Variants in WWOX observed in about 807,000 individuals in gnomAD.
WWOX encodes the protein WW domain containing oxidoreductase.
WWOX carries 69 observed loss-of-function variants against 46.2 expected under a neutral mutation model. The ratio of observed to expected loss-of-function variants is 1.49; its 90% CI spans 1.23 to 1.82. WWOX has a LOEUF of 1.82. WWOX is among the 40% of genes most tolerant of loss of function. WWOX has a pLI of 0.00. For missense variants in WWOX, 919 were observed against 542.6 expected (o/e 1.69, Z -6.89); for synonymous variants, 359 against 202.6 (o/e 1.77, Z -6.56).
intron 8 of WWOX, among the ~76,000 whole-genome samples, chr16:78,447,610 A>G (rs1452374118): frequency 1.3e-5 from 2 of 152,222 alleles, no homozygotes; most frequent in Admixed American, 6.5e-5. Context: ...GGTAATGACA[A>G]CAAAAATTAG....
chr16:78,939,662 C>G (rs887844940), intron 8 of WWOX, among the ~76,000 whole-genome samples: 1 of 152,170 alleles, frequency 6.6e-6, no homozygotes, highest in Non-Finnish European at 1.5e-5. Context: ...TAAAAATTAT[C>G]AAAAGGAAGT....
chr16:79,174,121 G>A (rs373058986), intron 8 of WWOX, among the ~76,000 whole-genome samples: 56 of 152,288 alleles, frequency 3.7e-4, no homozygotes, highest in African/African-American at 1.3e-3. Flanking sequence ...GCTTTGTAGA[G>A]TGAAAGGTCC....
chr16:78,747,859 C>G (rs1278501516), intron 8 of WWOX, among the ~76,000 whole-genome samples: 4 of 152,136 alleles, frequency 2.6e-5, no homozygotes, highest in Admixed American at 2.6e-4. Context: ...AAACTATAAT[C>G]TTTCTCTCTG....
chr16:78,301,448 C>G (rs938253792), intron 5 of WWOX, among the ~76,000 whole-genome samples: 1 of 151,970 alleles, frequency 6.6e-6, no homozygotes, highest in East Asian at 1.9e-4. Flanking sequence ...ATTGAGGAAA[C>G]TTATTGTTTT....
At position 78,819,038 on chromosome 16, in the gene WWOX, A is replaced by G. The variant is rs77163784; in HGVS notation, c.1056+386286A>G. On this transcript the variant is annotated intron_variant, in intron 8 of 8. Coordinates refer to ENST00000566780, the MANE Select transcript of WWOX (RefSeq NM_016373.4). ...GGCTTGTTGAGAAAATTAAATGGAAACGATAACGGCGAAGCACTTAGCACA... is the reference window on the plus strand; with the variant it reads ...GGCTTGTTGAGAAAATTAAATGGAAGCGATAACGGCGAAGCACTTAGCACA... 6.4e-3 allele frequency among the ~76,000 whole-genome samples: 976 copies of G among 152,276 alleles called. 1 individual carries two copies. The highest frequency in any genetic ancestry group is 0.011 in the Non-Finnish European group (722 of 68,024).
intron 8 of WWOX, among the ~76,000 whole-genome samples, chr16:78,533,153 C>G (rs2043664925): frequency 6.6e-6 from 1 of 151,818 alleles, no homozygotes; most frequent in Non-Finnish European, 1.5e-5. Context: ...AAGGTTGGAG[C>G]TCAAGGAAGC....
intron 8 of WWOX, among the ~76,000 whole-genome samples, chr16:78,811,834 C>A (rs568993494): frequency 2.2e-4 from 34 of 152,310 alleles, no homozygotes; most frequent in African/African-American, 8.2e-4. Context: ...CACAAACATT[C>A]AGTCCCTAAC....
chr16:78,969,726 C>T (rs1301410743), intron 8 of WWOX, among the ~76,000 whole-genome samples: 1 of 152,076 alleles, frequency 6.6e-6, no homozygotes, highest in Non-Finnish European at 1.5e-5. Context: ...AAACATTGTA[C>T]TAATCAAAAA....
At chr16:78,849,602 T>C (rs7200092) in intron 8 of WWOX, among the ~76,000 whole-genome samples, 114,353 of 146,514 alleles carry the variant, frequency 0.78, 45,232 homozygotes, top group Middle Eastern at 0.89. Flanking sequence ...AGAAAACAAC[T>C]ACAACCACAT....
rs184975413 is a variant in WWOX, at chr16:78,786,162, C to T, written c.1056+353410C>T. ...TGCCCTCCGGTGATCTGCCTGTCTC[C>T]GCCTCCCAAAGTGCTGGGATTACAG... is the stretch of plus-strand genomic sequence containing the variant. On this transcript the variant is annotated intron_variant, in intron 8 of 8. Coordinates refer to ENST00000566780, the MANE Select transcript of WWOX (RefSeq NM_016373.4). Among the ~76,000 whole-genome samples the T allele has an allele frequency of 3.5e-3, 535 of 152,186 alleles. 4 individuals carry two copies. The highest frequency in any genetic ancestry group is 0.017 in the Middle Eastern group (5 of 294).
At chr16:78,824,731 G>C (rs1261546233) in intron 8 of WWOX, among the ~76,000 whole-genome samples, 1 of 152,088 alleles carries the variant, frequency 6.6e-6, no homozygotes, top group African/African-American at 2.4e-5. Flanking sequence ...GATAGCGCAG[G>C]AAAGACCGGC....
intron 8 of WWOX, among the ~76,000 whole-genome samples, chr16:78,621,415 A>T (rs889830767): frequency 3.3e-5 from 5 of 151,452 alleles, no homozygotes; most frequent in South Asian, 4.2e-4. Flanking sequence ...CTCCCCTGGT[A>T]ACTGATTTAT....
At chr16:78,525,926 A>T (rs1341473924) in intron 8 of WWOX, 1 of 152,056 alleles carries the variant, frequency 6.6e-6, no homozygotes, top group South Asian at 2.1e-4. Context: ...TATAAAAATC[A>T]TATAAGCATG....
In WWOX at chr16:78,829,414, A is replaced by G. The variant is rs138865549; in HGVS notation, c.1057-382194A>G. Among the ~76,000 whole-genome samples, 7 of 152,320 alleles carry G rather than the reference A, an allele frequency of 4.6e-5. No homozygotes were observed. The South Asian group carries it at 8.3e-4, about 18-fold the overall frequency. On this transcript the variant is annotated intron_variant, in intron 8 of 8. Transcript: ENST00000566780. Reference sequence around the variant, plus strand: ...CAGATTAGATGAGATCCACCCCTACAGGGCAGGGCAATCAGTTTTACTCAG... The same window carrying G: ...CAGATTAGATGAGATCCACCCCTACGGGGCAGGGCAATCAGTTTTACTCAG...
At position 79,035,316 on chromosome 16, in the gene WWOX, G is replaced by A. The variant is rs187650831; in HGVS notation, c.1057-176292G>A. 3.7e-4 allele frequency among the ~76,000 whole-genome samples: 56 copies of A among 152,230 alleles called. 1 individual carries two copies. Among genetic ancestry groups the A allele is most frequent in the African/African-American group, 1.3e-3 (53 of 41,540 alleles). On this transcript the variant is annotated intron_variant, in intron 8 of 8. Coordinates refer to ENST00000566780, the MANE Select transcript of WWOX (RefSeq NM_016373.4). The stretch of plus-strand genomic sequence containing the variant: ...CTCTAATCCCTTTGATTTCCAATGG[G>A]AGGCAAATCCAGGGGAGTTCTAGAC...
chr16:78,217,410 C>A (rs942499848), intron 5 of WWOX, among the ~76,000 whole-genome samples: 2 of 152,120 alleles, frequency 1.3e-5, no homozygotes, highest in African/African-American at 4.8e-5. Context: ...GTAGAAATAG[C>A]CTTTGTGTGA....
intron 8 of WWOX, among the ~76,000 whole-genome samples, chr16:78,943,122 C>G (rs1226390111): frequency 1.3e-5 from 2 of 152,188 alleles, no homozygotes; most frequent in East Asian, 1.9e-4. Context: ...GACAGCGAAT[C>G]AAGGTGGCAA....
At chr16:78,779,776 G>A (rs1174873353) in intron 8 of WWOX, among the ~76,000 whole-genome samples, 3 of 152,160 alleles carry the variant, frequency 2.0e-5, no homozygotes, top group South Asian at 2.1e-4. Flanking sequence ...TGGTGGCAGA[G>A]GTGGGATCTA....
At chr16:78,504,251 G>A (rs2085138852) in intron 8 of WWOX, among the ~76,000 whole-genome samples, 1 of 152,114 alleles carries the variant, frequency 6.6e-6, no homozygotes. Context: ...ATGGCTCTTT[G>A]GCAAGTCTAG....
Sources: allele counts gnomAD v4.1 joint callset (sites outside exome capture counted in the v4.1 genomes callset), GRCh38; gene constraint gnomAD v4.1.1; transcripts MANE v1.5; gene names NCBI Gene and HGNC (gene_info 2026-07-23, HGNC 2026-07-21).